Variants in NEDD8 observed in about 807,000 individuals in gnomAD.
The protein encoded by NEDD8 is ubiquitin-like protein NEDD8.
A neutral mutation model predicts 13.8 loss-of-function variants in NEDD8; 1 was observed. That is an observed-to-expected ratio of 0.07 (90% CI 0.03 to 0.34). The LOEUF is 0.34. Ranked by LOEUF, NEDD8 falls within the 10% of genes least tolerant of loss-of-function variation. The probability of loss-of-function intolerance (pLI) is 0.99; values close to 1 mark genes in which losing one functional copy is unlikely to be tolerated. For synonymous variants in NEDD8, 31 were observed against 33.2 expected, an observed-to-expected ratio of 0.93 and a Z score of 0.23; for missense variants, 10 against 95.2, an observed-to-expected ratio of 0.10 and a Z score of 3.73.
At chr14:24,232,037 C>T (rs1170008298) in intron 1 of NEDD8, 2 of 669,040 alleles carry the variant, frequency 3.0e-6, no homozygotes, top group Non-Finnish European at 4.9e-6. Flanking sequence ...GCAGGCATGG[C>T]AAAATACCCC....
chr14:24,223,549 T>G (rs1313603768), intron 1 of NEDD8, among the ~76,000 whole-genome samples: 1 of 151,754 alleles, frequency 6.6e-6, no homozygotes, highest in Non-Finnish European at 1.5e-5. Flanking sequence ...TTATATTTAT[T>G]TATTTATTTA....
intron 1 of NEDD8, chr14:24,226,488 C>G (rs997870692): frequency 1.4e-5 from 2 of 147,888 alleles, no homozygotes; most frequent in Admixed American, 6.7e-5. Context: ...CAAATCAAAA[C>G]AAAACAAAAC....
chr14:24,224,563 TTA>T (rs2039859810), intron 1 of NEDD8, among the ~76,000 whole-genome samples: 1 of 152,228 alleles, frequency 6.6e-6, no homozygotes, highest in African/African-American at 2.4e-5. Flanking sequence ...GTCTCTCTAG[TTA>T]CATTTCAAGT....
At chr14:24,217,345 A>G (rs546822394) in intron 3 of NEDD8, 122 bp from the exon 4 acceptor site, 157 of 765,428 alleles carry the variant, frequency 2.1e-4, no homozygotes, top group South Asian at 1.6e-3. Flanking sequence ...GCTGGAGTAC[A>G]GTGGCACGAT....
At chr14:24,220,080 G>A (rs184581582) in intron 1 of NEDD8, among the ~76,000 whole-genome samples, 16 of 152,252 alleles carry the variant, frequency 1.1e-4, no homozygotes, top group East Asian at 3.9e-4. Context: ...CAGAAGTTGC[G>A]GTGAGCTGAG....
chr14:24,228,474 G>C (rs1696505469), intron 1 of NEDD8: 1 of 152,052 alleles, frequency 6.6e-6, no homozygotes, highest in South Asian at 2.1e-4. Flanking sequence ...CAGCACTTTA[G>C]GAAGATGAGG....
At chr14:24,231,246 G>A (rs1403358467) in intron 1 of NEDD8, among the ~76,000 whole-genome samples, 1 of 151,990 alleles carries the variant, frequency 6.6e-6, no homozygotes, top group Non-Finnish European at 1.5e-5. Context: ...TTGATGTTAC[G>A]ACTCTTATAT....
intron 1 of NEDD8, among the ~76,000 whole-genome samples, chr14:24,230,817 C>T (rs2039988538): frequency 1.3e-5 from 2 of 152,134 alleles, no homozygotes; most frequent in Non-Finnish European, 1.5e-5. Context: ...GGGGTTTCAC[C>T]ATGTTGGCCA....
chr14:24,218,257 G>A (rs866948478), intron 2 of NEDD8, 42 bp from the exon 3 acceptor site: 1 of 1,614,006 alleles, frequency 6.2e-7, no homozygotes, highest in Middle Eastern at 1.7e-4. Context: ...CTTAGGGGTA[G>A]GACCATGGAA....
At position 24,219,301 on chromosome 14, in the gene NEDD8, A is replaced by AAACAAC. The variant is rs147656745; in HGVS notation, c.19-876_19-871dup. On this transcript the variant is annotated intron_variant, in intron 1 of 3. Coordinates refer to ENST00000250495, the MANE Select transcript of NEDD8 (RefSeq NM_006156.3). ...ACACAGCGAAACCCTGTCTCAACCAAAACAACAACAACAACAACAACAACA... is the reference window on the plus strand; with the variant it reads ...ACACAGCGAAACCCTGTCTCAACCAAAACAACAACAACAACAACAACAACAACAACA... Among the ~76,000 whole-genome samples the AAACAAC allele has an allele frequency of 9.1e-4, 135 of 148,800 alleles. 1 individual carries two copies. The Middle Eastern group carries it at 0.01, about 11-fold the overall frequency.
intron 2 of NEDD8, 62 bp from the exon 3 acceptor site, chr14:24,218,277 A>G: frequency 6.2e-7 from 1 of 1,613,908 alleles, no homozygotes; most frequent in East Asian, 2.2e-5. Flanking sequence ...AACGGAAAGA[A>G]CAAGGGCTAT....
chr14:24,223,676 A>G (rs1008110304), intron 1 of NEDD8, among the ~76,000 whole-genome samples: 3 of 151,364 alleles, frequency 2.0e-5, no homozygotes, highest in African/African-American at 7.3e-5. Flanking sequence ...AGCATTCTGA[A>G]TAGCTGGGAC....
At position 24,216,948 on chromosome 14, in the gene NEDD8, C is replaced by T; in HGVS notation, c.*179G>A. 1.7e-6 allele frequency: 1 copy of T among 594,266 alleles called. No individual in the cohort carries two copies. The highest frequency in any genetic ancestry group is 3.0e-6 in the Non-Finnish European group (1 of 331,350). The allele number at this position is 594,266 out of a possible 1,614,324, so 36.8% of individuals were successfully genotyped here. A position where few individuals can be genotyped will look rare whatever the true frequency, so the allele number is the denominator to read the frequency against. ...GGACTGCAAACTAACACCCAGTAGC[C>T]AGCAAGGGCCCTCTGGGCCAGGAAT... On this transcript the variant is annotated 3_prime_UTR_variant, in exon 4 of 4. Transcript: ENST00000250495.
intron 1 of NEDD8, among the ~76,000 whole-genome samples, chr14:24,225,171 CA>C (rs71281817): frequency 0.031 from 3,844 of 123,924 alleles, 162 homozygotes; most frequent in African/African-American, 0.11. Context: ...GACTCTGTCT[CA>C]AAAAAAAAAA....
intron 1 of NEDD8, among the ~76,000 whole-genome samples, chr14:24,220,147 T>A (rs1021146897): frequency 1.3e-5 from 2 of 152,162 alleles, no homozygotes; most frequent in Admixed American, 1.3e-4. Flanking sequence ...TGTAGACCTG[T>A]TCCCAGTGTA....
rs992642458 is a variant in NEDD8 at position 24,230,120 on chromosome 14, T to C, written c.18+2130A>G. 2.7e-5 allele frequency among the ~76,000 whole-genome samples: 4 copies of C among 150,266 alleles called. No homozygotes were observed. The East Asian group carries it at 7.9e-4, about 30-fold the overall frequency. ...TTCTCAAGATTTTGACAGTGATCCA[T>C]TCTAAAAATTAGTATGAACTAGTAA... On this transcript the variant is annotated intron_variant, in intron 1 of 3. Coordinates refer to ENST00000250495, the MANE Select transcript of NEDD8 (RefSeq NM_006156.3).
intron 1 of NEDD8, among the ~76,000 whole-genome samples, chr14:24,226,100 A>G (rs1385753552): frequency 6.6e-6 from 1 of 151,902 alleles, no homozygotes; most frequent in African/African-American, 2.4e-5. Flanking sequence ...GAGGAAATAC[A>G]AAAGAAATGT....
chr14:24,229,278 G>C (rs958664159), intron 1 of NEDD8, among the ~76,000 whole-genome samples: 2 of 152,184 alleles, frequency 1.3e-5, no homozygotes, highest in Non-Finnish European at 2.9e-5. Flanking sequence ...GGAGTGCAAT[G>C]GCACGATCTT....
chr14:24,229,544 G>C (rs2039954758), intron 1 of NEDD8, among the ~76,000 whole-genome samples: 2 of 152,212 alleles, frequency 1.3e-5, no homozygotes, highest in South Asian at 4.1e-4. Context: ...TTAAACTGCA[G>C]GTCTCAACCC....
Sources: allele counts gnomAD v4.1 joint callset (sites outside exome capture counted in the v4.1 genomes callset), GRCh38; gene constraint gnomAD v4.1.1; transcripts MANE v1.5; gene names NCBI Gene and HGNC (gene_info 2026-07-23, HGNC 2026-07-21).